The following NUBPL variants were observed in gnomAD, a reference collection of about 807,000 sequenced individuals.
The protein encoded by NUBPL is NUBP iron-sulfur cluster assembly factor, mitochondrial, also known as iron-sulfur cluster transfer protein NUBPL.
Under a neutral mutation model 45.7 loss-of-function variants are expected in NUBPL, and 31 were observed. That is an observed-to-expected ratio of 0.68 (90% CI 0.51 to 0.92). The LOEUF (loss-of-function observed/expected upper bound fraction) is 0.92. Among genes scored for constraint, NUBPL ranks in the 40% least tolerant of loss-of-function variants. The pLI, the probability that NUBPL is intolerant of heterozygous loss-of-function variation, is 0.00. For missense variants in NUBPL, 401 were observed against 398.7 expected (o/e 1.01, Z -0.05); for synonymous variants, 144 against 140.9 (o/e 1.02, Z -0.15).
intron 3 of NUBPL, among the ~76,000 whole-genome samples, chr14:31,570,905 A>G (rs931020875): frequency 6.6e-6 from 1 of 152,242 alleles, no homozygotes; most frequent in Non-Finnish European, 1.5e-5. Context: ...TCCTTCCAGT[A>G]CATGATGCCA....
intron 4 of NUBPL, among the ~76,000 whole-genome samples, chr14:31,621,633 G>T (rs1284057527): frequency 6.6e-6 from 1 of 152,142 alleles, no homozygotes; most frequent in Non-Finnish European, 1.5e-5. Flanking sequence ...TGTCCAACCA[G>T]TCCCAATGAA....
chr14:31,738,100 A>T (rs1314638630), intron 6 of NUBPL, among the ~76,000 whole-genome samples: 1 of 152,194 alleles, frequency 6.6e-6, no homozygotes, highest in African/African-American at 2.4e-5. Flanking sequence ...CTTTTAAAAT[A>T]GTGGTTGTCA....
intron 3 of NUBPL, among the ~76,000 whole-genome samples, chr14:31,566,450 T>C (rs2033435930): frequency 6.6e-6 from 1 of 152,106 alleles, no homozygotes; most frequent in South Asian, 2.1e-4. Context: ...ACAAAATTTT[T>C]TCTTAAAAAA....
chr14:31,806,228 C>T (rs943165520), intron 7 of NUBPL, among the ~76,000 whole-genome samples: 1 of 152,074 alleles, frequency 6.6e-6, no homozygotes, highest in South Asian at 2.1e-4. Flanking sequence ...GTCTCTATTC[C>T]TTTATTTCCT....
chr14:31,857,907 C>G (rs1424986752), intron 10 of NUBPL, among the ~76,000 whole-genome samples: 1 of 152,222 alleles, frequency 6.6e-6, no homozygotes, highest in African/African-American at 2.4e-5. Flanking sequence ...TTACCCAGTT[C>G]CAAAGTCACT....
At chr14:31,624,330 A>G (rs2035149253) in intron 4 of NUBPL, among the ~76,000 whole-genome samples, 1 of 152,206 alleles carries the variant, frequency 6.6e-6, no homozygotes, top group African/African-American at 2.4e-5. Context: ...GTATTCTTAA[A>G]TGATGAATTA....
At chr14:31,754,927 C>G (rs1283421790) in intron 6 of NUBPL, among the ~76,000 whole-genome samples, 1 of 122,868 alleles carries the variant, frequency 8.1e-6, no homozygotes, top group Non-Finnish European at 1.6e-5. Flanking sequence ...CAATTCCCAT[C>G]TATGAGTGAG....
chr14:31,773,141 T>C (rs903379259), intron 6 of NUBPL, among the ~76,000 whole-genome samples: 2 of 152,152 alleles, frequency 1.3e-5, no homozygotes, highest in African/African-American at 4.8e-5. Flanking sequence ...GGCATTTATA[T>C]TTAAATAATT....
At chr14:31,707,395 CTCTT>C (rs970545930) in intron 6 of NUBPL, among the ~76,000 whole-genome samples, 14 of 152,350 alleles carry the variant, frequency 9.2e-5, no homozygotes, top group African/African-American at 2.9e-4. Flanking sequence ...ACTTCCATCT[CTCTT>C]TCTTTCTCTT....
At chr14:31,736,439 A>T (rs2038167411) in intron 6 of NUBPL, among the ~76,000 whole-genome samples, 1 of 152,134 alleles carries the variant, frequency 6.6e-6, no homozygotes. Context: ...AATATTTATT[A>T]GTTTTGCCTG....
At position 31,768,157 on chromosome 14, in the gene NUBPL, G is replaced by A. The variant is rs946995730; in HGVS notation, c.514-19623G>A. Among the ~76,000 whole-genome samples, 9 of 152,310 alleles carry A rather than the reference G, an allele frequency of 5.9e-5. No individual in the cohort carries two copies. In the East Asian group the frequency reaches 1.2e-3, roughly 20 times the overall value. ...GAGACCCATCTTTTCAATGGGTGGTGTTTTTAACTTAGCTTCTGTTTCTTA... is the reference window on the plus strand; with the variant it reads ...GAGACCCATCTTTTCAATGGGTGGTATTTTTAACTTAGCTTCTGTTTCTTA... On this transcript the variant is annotated intron_variant, in intron 6 of 10. Transcript: ENST00000281081.
Position 31,686,382 on chromosome 14 carries a change from A to C in NUBPL, c.513+12808A>C, listed in dbSNP as rs116653641. ...ATATGAAACACCTGGAATGAGGAAG[A>C]AGCAATTCAGTAGCTGGTAGAAGAA... On this transcript the variant is annotated intron_variant, in intron 6 of 10. Transcript: ENST00000281081. Among the ~76,000 whole-genome samples the C allele has an allele frequency of 2.0e-3, 311 of 152,344 alleles. 1 individual carries two copies. The highest frequency in any genetic ancestry group is 6.9e-3 in the African/African-American group (285 of 41,580).
chr14:31,613,832 A>G (rs1283676878), intron 4 of NUBPL, among the ~76,000 whole-genome samples: 2 of 152,136 alleles, frequency 1.3e-5, no homozygotes, highest in Non-Finnish European at 2.9e-5. Context: ...ATTATTACAC[A>G]TTGTATGCCT....
At chr14:31,602,252 G>T (rs906289600) in intron 4 of NUBPL, among the ~76,000 whole-genome samples, 1 of 151,984 alleles carries the variant, frequency 6.6e-6, no homozygotes, top group African/African-American at 2.4e-5. Context: ...GGTGGGAGGA[G>T]GGGGGAGGGA....
intron 7 of NUBPL, among the ~76,000 whole-genome samples, chr14:31,808,103 C>T (rs1315158015): frequency 2.0e-5 from 3 of 152,088 alleles, no homozygotes; most frequent in South Asian, 2.1e-4. Flanking sequence ...CTTGGCGATG[C>T]GGACTCTTTT....
chr14:31,799,208 A>G (rs1395423753), intron 7 of NUBPL, among the ~76,000 whole-genome samples: 3 of 152,170 alleles, frequency 2.0e-5, no homozygotes, highest in Non-Finnish European at 4.4e-5. Context: ...GATATTAGCT[A>G]GATACAAGAT....
chr14:31,665,191 A>T (rs560955786), intron 4 of NUBPL, among the ~76,000 whole-genome samples: 1 of 151,920 alleles, frequency 6.6e-6, no homozygotes, highest in African/African-American at 2.4e-5. Context: ...GGATTCATTG[A>T]TTTTTTGAAG....
At chr14:31,642,120 A>C (rs940640051) in intron 4 of NUBPL, among the ~76,000 whole-genome samples, 3 of 152,002 alleles carry the variant, frequency 2.0e-5, no homozygotes, top group African/African-American at 7.3e-5. Flanking sequence ...ATTTTCTCTC[A>C]TTCTGTGGGT....
intron 9 of NUBPL, among the ~76,000 whole-genome samples, chr14:31,848,476 A>C (rs1036756900): frequency 6.6e-5 from 10 of 152,188 alleles, no homozygotes; most frequent in African/African-American, 1.9e-4. Flanking sequence ...TTGGTACGAT[A>C]GCTCTTGAGA....
Sources: allele counts gnomAD v4.1 joint callset (sites outside exome capture counted in the v4.1 genomes callset), GRCh38; gene constraint gnomAD v4.1.1; transcripts MANE v1.5; gene names NCBI Gene and HGNC (gene_info 2026-07-23, HGNC 2026-07-21).